The following DLGAP2 variants were observed in gnomAD, a reference collection of about 807,000 sequenced individuals.
The protein encoded by DLGAP2 is DLG associated protein 2, also known as disks large-associated protein 2.
Under a neutral mutation model 100.3 loss-of-function variants are expected in DLGAP2, and 26 were observed. That is an observed-to-expected ratio of 0.26 (90% CI 0.19 to 0.36). The LOEUF (loss-of-function observed/expected upper bound fraction) is 0.36. Ranked by LOEUF, DLGAP2 falls within the 10% of genes least tolerant of loss-of-function variation. The probability of loss-of-function intolerance (pLI) is 1.00; values close to 1 mark genes in which losing one functional copy is unlikely to be tolerated. For synonymous variants in DLGAP2, 886 were observed against 630.1 expected (o/e 1.41, Z -6.08); for missense variants, 1,858 against 1,453.2 (o/e 1.28, Z -4.53).
chr8:1,287,501 T>TGGG (rs1799959490), intron 3 of DLGAP2, among the ~76,000 whole-genome samples: 2 of 52,796 alleles, frequency 3.8e-5, no homozygotes, highest in African/African-American at 1.4e-4. Flanking sequence ...TGTGTGGTTC[T>TGGG]GTTAGGAGGG....
chr8:1,018,295 T>A (rs917544522), intron 2 of DLGAP2, among the ~76,000 whole-genome samples: 36 of 152,332 alleles, frequency 2.4e-4, no homozygotes, highest in African/African-American at 8.7e-4. Flanking sequence ...TTCCGGCTGA[T>A]GTTCAGTGTG....
chr8:1,343,932 C>T (rs1011128281), intron 3 of DLGAP2, among the ~76,000 whole-genome samples: 2 of 152,220 alleles, frequency 1.3e-5, no homozygotes, highest in Non-Finnish European at 2.9e-5. Context: ...TATATCAGGG[C>T]TTTCCCTCCT....
chr8:1,076,376 C>T (rs2701951), intron 2 of DLGAP2, among the ~76,000 whole-genome samples: 7,902 of 152,322 alleles, frequency 0.052, 337 homozygotes, highest in East Asian at 0.13. Context: ...CGCAGCTCCC[C>T]GTCTCCGAGC....
chr8:972,731 A>G (rs1800045476), intron 2 of DLGAP2, among the ~76,000 whole-genome samples: 1 of 152,150 alleles, frequency 6.6e-6, no homozygotes, highest in African/African-American at 2.4e-5. Context: ...CAAGTGAACA[A>G]AGATCTCTGG....
intron 2 of DLGAP2, among the ~76,000 whole-genome samples, chr8:1,163,359 G>C (rs932103348): frequency 6.6e-6 from 1 of 152,196 alleles, no homozygotes; most frequent in Non-Finnish European, 1.5e-5. Context: ...TGTTCCCTTC[G>C]CCTCCGCTCA....
In DLGAP2 at chr8:1,464,269, G is replaced by A. The variant is rs370672153; in HGVS notation, c.107-37097G>A. ...TCCAGGACGGCTCCCTTCCAGGACG[G>A]CACCCTTCCAGGACAACGCCCTTCC... is the stretch of plus-strand genomic sequence containing the variant. On this transcript the variant is annotated intron_variant, in intron 3 of 14. Coordinates refer to ENST00000637795, the MANE Select transcript of DLGAP2 (RefSeq NM_001346810.2). Among the ~76,000 whole-genome samples the A allele has an allele frequency of 1.5e-3, 66 of 45,190 alleles. No individual in the cohort carries two copies. The East Asian group carries it at 0.016, about 11-fold the overall frequency. 29.6% of individuals were successfully genotyped at this position (45,190 alleles called of 152,430 possible).
chr8:1,682,496 A>G (rs11784494), intron 12 of DLGAP2, among the ~76,000 whole-genome samples: 24,021 of 150,348 alleles, frequency 0.16, 2,322 homozygotes, highest in East Asian at 0.41. Flanking sequence ...TTTTTTTGAG[A>G]GGGAGTCTTG....
At chr8:1,077,224 C>G (rs1447566767) in intron 2 of DLGAP2, among the ~76,000 whole-genome samples, 1 of 152,230 alleles carries the variant, frequency 6.6e-6, no homozygotes, top group Non-Finnish European at 1.5e-5. Context: ...GGATCCTCCA[C>G]TCCAGCATGA....
rs113728487 is a variant in DLGAP2 at position 949,334 on chromosome 8, T to C, written c.73+41368T>C. Reference sequence around the variant, plus strand: ...CGTGAGTCTGGGATTCAGGATGGGTTCGTGGCAGACACCACGCTGGATAGT... The same window carrying C: ...CGTGAGTCTGGGATTCAGGATGGGTCCGTGGCAGACACCACGCTGGATAGT... On this transcript the variant is annotated intron_variant, in intron 2 of 14. Transcript: ENST00000637795. Among the ~76,000 whole-genome samples the C allele has an allele frequency of 2.9e-3, 446 of 152,274 alleles. 2 individuals are homozygous for C. Among genetic ancestry groups the C allele is most frequent in the African/African-American group, 0.01 (416 of 41,566 alleles).
chr8:1,493,976 C>G (rs1336240755), intron 3 of DLGAP2, among the ~76,000 whole-genome samples: 1 of 152,236 alleles, frequency 6.6e-6, no homozygotes, highest in East Asian at 1.9e-4. Context: ...GTTGTATCTC[C>G]TGACCACGGA....
Position 1,194,924 on chromosome 8 carries a change from G to T in DLGAP2, c.74-63927G>T, listed in dbSNP as rs528401839. On this transcript the variant is annotated intron_variant, in intron 2 of 14. Transcript: ENST00000637795. Reference sequence around the variant, plus strand: ...GCTGCTGAGACCACCTGGGCGTTCAGTTGTCAACTACCAACGGACAGTCAG... The same window carrying T: ...GCTGCTGAGACCACCTGGGCGTTCATTTGTCAACTACCAACGGACAGTCAG... Among the ~76,000 whole-genome samples, 4 of 152,238 alleles carry T rather than the reference G, an allele frequency of 2.6e-5. No homozygotes were observed. In the South Asian group the frequency reaches 8.3e-4, roughly 31 times the overall value.
At chr8:1,548,357 G>A (rs1801617420) in intron 4 of DLGAP2, among the ~76,000 whole-genome samples, 1 of 149,734 alleles carries the variant, frequency 6.7e-6, no homozygotes, top group South Asian at 2.1e-4. Flanking sequence ...TACTCGGGAG[G>A]CTGAGGCAGG....
chr8:1,130,854 G>A (rs1437851041), intron 2 of DLGAP2, among the ~76,000 whole-genome samples: 3 of 140,112 alleles, frequency 2.1e-5, no homozygotes, highest in African/African-American at 7.4e-5. Context: ...ATGAGGGGAA[G>A]GGTGGCCTCT....
chr8:1,201,296 G>A (rs1386411974), intron 2 of DLGAP2, among the ~76,000 whole-genome samples: 1 of 152,184 alleles, frequency 6.6e-6, no homozygotes, highest in African/African-American at 2.4e-5. Flanking sequence ...GCATCCCCGC[G>A]CAGGTGTGAG....
At chr8:816,636 C>G (rs557415719) in intron 1 of DLGAP2, among the ~76,000 whole-genome samples, 3 of 152,176 alleles carry the variant, frequency 2.0e-5, no homozygotes, top group East Asian at 3.9e-4. Flanking sequence ...ATGCTTTTGC[C>G]TCCAGCTCTT....
chr8:1,680,434 T>C (rs1798917010), intron 12 of DLGAP2: 1 of 152,262 alleles, frequency 6.6e-6, no homozygotes, highest in South Asian at 2.1e-4. Context: ...TGATTTTTTA[T>C]TGTTAAAACT....
At chr8:1,410,309 G>T (rs1205569436) in intron 3 of DLGAP2, among the ~76,000 whole-genome samples, 1 of 152,194 alleles carries the variant, frequency 6.6e-6, no homozygotes, top group Admixed American at 6.5e-5. Context: ...AACATTCACG[G>T]GCATGGCTTC....
At chr8:1,190,890 C>T (rs1167682057) in intron 2 of DLGAP2, among the ~76,000 whole-genome samples, 1 of 152,138 alleles carries the variant, frequency 6.6e-6, no homozygotes, top group Middle Eastern at 3.2e-3. Context: ...CCGTTCAGTG[C>T]ACGGGGCGTG....
intron 3 of DLGAP2, among the ~76,000 whole-genome samples, chr8:1,430,203 A>G (rs544287603): frequency 1.3e-5 from 2 of 151,152 alleles, no homozygotes; most frequent in Admixed American, 6.6e-5. Context: ...TTTAATCCCT[A>G]TATGTCACCA....
Sources: allele counts gnomAD v4.1 joint callset (sites outside exome capture counted in the v4.1 genomes callset), GRCh38; gene constraint gnomAD v4.1.1; transcripts MANE v1.5; gene names NCBI Gene and HGNC (gene_info 2026-07-23, HGNC 2026-07-21).